The following GYPE variants were observed in gnomAD, a reference collection of about 807,000 sequenced individuals.
The protein encoded by GYPE is glycophorin-E.
Under a neutral mutation model 11.6 loss-of-function variants are expected in GYPE, and 8 were observed. The observed-to-expected ratio is 0.69, with a 90% CI of 0.41 to 1.25. GYPE has a LOEUF of 1.25. Ranked by LOEUF, GYPE falls within the 50% of genes most tolerant of loss-of-function variation. GYPE has a pLI of 0.01. For missense variants in GYPE, 90 were observed against 92.8 expected (o/e 0.97, Z 0.12); for synonymous variants, 28 against 29.6 (o/e 0.94, Z 0.18).
At chr4:143,889,308 C>T (rs1216789060) in intron 1 of GYPE, among the ~76,000 whole-genome samples, 2 of 150,562 alleles carry the variant, frequency 1.3e-5, no homozygotes. Context: ...AAATTGGTCA[C>T]TCTGTCATTC....
chr4:143,883,908 T>C (rs1744152047), intron 1 of GYPE, among the ~76,000 whole-genome samples: 1 of 152,006 alleles, frequency 6.6e-6, no homozygotes, highest in African/African-American at 2.4e-5. Flanking sequence ...TGAGTACAAA[T>C]ATACATATTC....
chr4:143,875,284 A>G, intron 3 of GYPE: 2 of 608,824 alleles, frequency 3.3e-6, no homozygotes, highest in South Asian at 4.5e-5. Flanking sequence ...CATAGCTTGA[A>G]ATAACAAATC....
At chr4:143,903,446 G>A (rs1211047977) in intron 1 of GYPE, among the ~76,000 whole-genome samples, 1 of 143,254 alleles carries the variant, frequency 7.0e-6, no homozygotes, top group Admixed American at 7.4e-5. Flanking sequence ...GAAGATCTCT[G>A]GTAAGTTTAG....
intron 3 of GYPE, chr4:143,875,591 C>A (rs1455198672): frequency 6.5e-7 from 1 of 1,539,692 alleles, no homozygotes; most frequent in African/African-American, 1.4e-5. Context: ...TGATTGGTCA[C>A]AGGCCAATCC....
chr4:143,871,929 C>G lies in GYPE; in HGVS notation c.*333G>C, dbSNP rs1743632117. The G allele has an allele frequency of 6.6e-6, 1 of 152,074 alleles. No individual in the cohort carries two copies. The highest frequency in any genetic ancestry group is 2.4e-5 in the African/African-American group (1 of 41,408). 9.4% of individuals were successfully genotyped at this position (152,074 alleles called of 1,614,324 possible). On this transcript the variant is annotated 3_prime_UTR_variant, in exon 4 of 4. Transcript: ENST00000358615. ...AAATGGAATGTGACTGAAGAGTTAT[C>G]TTGCTGATCTTACCCAGGAGGACTG...
At chr4:143,891,414 C>G (rs10004191) in intron 1 of GYPE, among the ~76,000 whole-genome samples, 2 of 149,990 alleles carry the variant, frequency 1.3e-5, no homozygotes, top group Non-Finnish European at 3.0e-5. Context: ...CTGCAAGCTC[C>G]GCCTCCCGGG....
intron 1 of GYPE, among the ~76,000 whole-genome samples, chr4:143,888,517 C>A (rs1421204517): frequency 2.9e-4 from 43 of 147,226 alleles, no homozygotes; most frequent in African/African-American, 1.0e-3. Flanking sequence ...ATTGCAATGA[C>A]CATGAAAACT....
intron 1 of GYPE, among the ~76,000 whole-genome samples, chr4:143,891,768 C>A (rs557275014): frequency 1.3e-5 from 2 of 152,210 alleles, no homozygotes; most frequent in African/African-American, 4.8e-5. Flanking sequence ...GGATGTGAAA[C>A]CCAATCAACA....
At chr4:143,903,511 C>CT (rs1744941361) in intron 1 of GYPE, among the ~76,000 whole-genome samples, 2 of 39,280 alleles carry the variant, frequency 5.1e-5, no homozygotes, top group East Asian at 9.1e-4. Context: ...AGGCAATCGT[C>CT]TTTTTTTCAT....
intron 1 of GYPE, among the ~76,000 whole-genome samples, chr4:143,883,389 A>G (rs779960770): frequency 1.7e-4 from 26 of 151,804 alleles, no homozygotes; most frequent in Non-Finnish European, 3.5e-4. Flanking sequence ...ACCCAGTCTC[A>G]GTTATTTCTA....
At chr4:143,900,067 G>C (rs1398854895) in intron 1 of GYPE, among the ~76,000 whole-genome samples, 3 of 150,012 alleles carry the variant, frequency 2.0e-5, no homozygotes, top group Non-Finnish European at 4.4e-5. Context: ...TCTTTATCCA[G>C]AACATAGAAA....
intron 1 of GYPE, among the ~76,000 whole-genome samples, chr4:143,881,749 T>A (rs2149907133): frequency 6.6e-6 from 1 of 152,314 alleles, no homozygotes; most frequent in East Asian, 1.9e-4. Context: ...GAGTTATAAA[T>A]CATTATGATA....
At chr4:143,882,065 A>G (rs908206937) in intron 1 of GYPE, among the ~76,000 whole-genome samples, 3 of 152,104 alleles carry the variant, frequency 2.0e-5, no homozygotes, top group Admixed American at 1.3e-4. Context: ...TATTGTTCCT[A>G]AACTGTCTAT....
At chr4:143,900,370 G>T (rs1209414792) in intron 1 of GYPE, among the ~76,000 whole-genome samples, 6 of 123,298 alleles carry the variant, frequency 4.9e-5, no homozygotes, top group East Asian at 4.7e-4. Context: ...AGCTCCTGTG[G>T]AAAAGAGTTG....
intron 3 of GYPE, among the ~76,000 whole-genome samples, chr4:143,876,251 C>G (rs1208600887): frequency 1.3e-5 from 2 of 152,074 alleles, no homozygotes. Context: ...GTGGCTGATA[C>G]TACACGTGTG....
In GYPE at chr4:143,892,671, G is replaced by A. The variant is rs1474905745; in HGVS notation, c.38-12162C>T. Among the ~76,000 whole-genome samples, 778 of 151,948 alleles carry A rather than the reference G, an allele frequency of 5.1e-3. 8 individuals are homozygous for A. Among genetic ancestry groups the A allele is most frequent in the African/African-American group, 0.018 (739 of 41,418 alleles). On this transcript the variant is annotated intron_variant, in intron 1 of 3. Coordinates refer to ENST00000358615, the MANE Select transcript of GYPE (RefSeq NM_198682.3). The stretch of plus-strand genomic sequence containing the variant: ...CTAGTTTGATTGCACTGTGGTCTGA[G>A]AGACAGTTTGTTATAATTTCTGTTC...
chr4:143,896,311 G>GA (rs1385036156), intron 1 of GYPE, among the ~76,000 whole-genome samples: 3 of 151,880 alleles, frequency 2.0e-5, no homozygotes, highest in South Asian at 4.2e-4. Context: ...AAATTTACAA[G>GA]AAAAAAACAA....
chr4:143,875,342 T>G (rs4835058), intron 3 of GYPE: 352,657 of 796,618 alleles, frequency 0.44, 79,852 homozygotes, highest in East Asian at 0.58. Flanking sequence ...TATTTTTATT[T>G]AGAAGTAGAG....
intron 1 of GYPE, among the ~76,000 whole-genome samples, chr4:143,881,271 AT>A (rs1344658953): frequency 6.6e-6 from 1 of 151,964 alleles, no homozygotes; most frequent in Non-Finnish European, 1.5e-5. Context: ...CATTAAATAA[AT>A]TGTGAATTAT....
Sources: allele counts gnomAD v4.1 joint callset (sites outside exome capture counted in the v4.1 genomes callset), GRCh38; gene constraint gnomAD v4.1.1; transcripts MANE v1.5; gene names NCBI Gene and HGNC (gene_info 2026-07-23, HGNC 2026-07-21).